Variants in CACNA2D3 observed in about 807,000 individuals in gnomAD.
CACNA2D3 encodes the protein calcium voltage-gated channel auxiliary subunit alpha2delta 3.
In CACNA2D3, 60 loss-of-function variants were observed where a neutral mutation model predicts 160.6. That is an observed-to-expected ratio of 0.37 (90% CI 0.30 to 0.46). CACNA2D3 has a LOEUF of 0.46. Ranked by LOEUF, CACNA2D3 falls within the 20% of genes least tolerant of loss-of-function variation. The pLI is 1.00. For missense variants in CACNA2D3, 1,205 were observed against 1,365.0 expected (o/e 0.88, Z 1.85); for synonymous variants, 558 against 492.9 (o/e 1.13, Z -1.75).
chr3:54,541,927 GGT>G (rs71096428), intron 5 of CACNA2D3, among the ~76,000 whole-genome samples: 21,543 of 150,552 alleles, frequency 0.14, 1,922 homozygotes, highest in Non-Finnish European at 0.2. Context: ...TTTAGGAAAG[GGT>G]GTGTGTGGGT....
chr3:54,839,175 G>A (rs905001582), intron 16 of CACNA2D3, among the ~76,000 whole-genome samples: 1 of 152,090 alleles, frequency 6.6e-6, no homozygotes, highest in East Asian at 1.9e-4. Context: ...GGAGAATGGC[G>A]TGAACCTAGG....
intron 2 of CACNA2D3, among the ~76,000 whole-genome samples, chr3:54,319,206 C>T (rs1703936530): frequency 7.6e-6 from 1 of 132,222 alleles, no homozygotes; most frequent in Admixed American, 7.6e-5. Flanking sequence ...ACACACCCTT[C>T]CTCGAGTCAA....
intron 2 of CACNA2D3, among the ~76,000 whole-genome samples, chr3:54,130,278 C>A (rs1699682508): frequency 6.6e-6 from 1 of 152,172 alleles, no homozygotes; most frequent in South Asian, 2.1e-4. Flanking sequence ...TTCCTTTGCC[C>A]ACCTTTGTTC....
intron 4 of CACNA2D3, among the ~76,000 whole-genome samples, chr3:54,389,804 G>T (rs1699249794): frequency 6.6e-6 from 1 of 152,180 alleles, no homozygotes; most frequent in South Asian, 2.1e-4. Flanking sequence ...CTAATTCAAA[G>T]AGATGAGGAC....
At chr3:54,918,838 TC>T (rs1483971824) in intron 27 of CACNA2D3, 1 of 1,585,850 alleles carries the variant, frequency 6.3e-7, no homozygotes, top group Admixed American at 1.7e-5. Context: ...CCTAAGGAGG[TC>T]CTTTCCCTTC....
At chr3:54,213,703 A>G (rs558827117) in intron 2 of CACNA2D3, among the ~76,000 whole-genome samples, 4 of 152,356 alleles carry the variant, frequency 2.6e-5, no homozygotes, top group Non-Finnish European at 4.4e-5. Context: ...GTAAAATAGC[A>G]TATTGTGCAG....
intron 11 of CACNA2D3, among the ~76,000 whole-genome samples, chr3:54,674,756 C>T (rs1294159027): frequency 6.6e-6 from 1 of 152,044 alleles, no homozygotes; most frequent in Non-Finnish European, 1.5e-5. Flanking sequence ...ATTTTGAGGT[C>T]CCAACATATG....
intron 10 of CACNA2D3, among the ~76,000 whole-genome samples, chr3:54,630,744 A>G (rs1040711140): frequency 6.6e-6 from 1 of 152,134 alleles, no homozygotes; most frequent in African/African-American, 2.4e-5. Flanking sequence ...TCACCAACAC[A>G]TGGTGGACTT....
intron 13 of CACNA2D3, among the ~76,000 whole-genome samples, chr3:54,788,708 T>C (rs988902850): frequency 6.6e-6 from 1 of 152,172 alleles, no homozygotes; most frequent in Non-Finnish European, 1.5e-5. Context: ...AATCACTTCC[T>C]TTTTCTGGGT....
chr3:55,074,055 A>G (rs1270331180), intron 37 of CACNA2D3, 59 bp from the exon 38 acceptor site: 1 of 1,404,954 alleles, frequency 7.1e-7, no homozygotes, highest in Non-Finnish European at 1.0e-6. Context: ...AGGTCTGGGG[A>G]AAGTTGAAGG....
chr3:54,323,567 C>T (rs1027274691), intron 3 of CACNA2D3, among the ~76,000 whole-genome samples: 22 of 151,620 alleles, frequency 1.5e-4, no homozygotes, highest in African/African-American at 4.1e-4. Flanking sequence ...CCCGGGTTCA[C>T]GCCTTTCTCC....
intron 2 of CACNA2D3, among the ~76,000 whole-genome samples, chr3:54,199,394 C>G (rs1701136166): frequency 6.6e-6 from 1 of 152,086 alleles, no homozygotes; most frequent in Non-Finnish European, 1.5e-5. Context: ...GAGACAGGGT[C>G]TTACCATCAC....
intron 2 of CACNA2D3, among the ~76,000 whole-genome samples, chr3:54,153,919 G>A (rs1700194995): frequency 6.6e-6 from 1 of 152,130 alleles, no homozygotes; most frequent in African/African-American, 2.4e-5. Context: ...GCAATATAAA[G>A]CCCTTCAGAG....
intron 24 of CACNA2D3, among the ~76,000 whole-genome samples, chr3:54,889,470 G>A (rs1700004513): frequency 6.6e-6 from 1 of 152,158 alleles, no homozygotes; most frequent in African/African-American, 2.4e-5. Context: ...ACTTGATGAT[G>A]GGTTTGTTGT....
At chr3:54,629,206 G>A (rs1446223627) in intron 10 of CACNA2D3, among the ~76,000 whole-genome samples, 1 of 151,982 alleles carries the variant, frequency 6.6e-6, no homozygotes, top group Non-Finnish European at 1.5e-5. Context: ...CCTTGCTGCT[G>A]TTGGTCTGCA....
chr3:54,756,001 G>A (rs1701962883), intron 12 of CACNA2D3, among the ~76,000 whole-genome samples: 1 of 152,106 alleles, frequency 6.6e-6, no homozygotes, highest in African/African-American at 2.4e-5. Context: ...TTTAGTCATT[G>A]TTTATAAGAA....
intron 11 of CACNA2D3, among the ~76,000 whole-genome samples, chr3:54,678,653 G>A (rs1700284602): frequency 7.1e-6 from 1 of 140,068 alleles, no homozygotes; most frequent in African/African-American, 2.5e-5. Flanking sequence ...GCCGGGAGGT[G>A]GAGGTTGTAA....
chr3:54,195,815 G>A (rs1186599067), intron 2 of CACNA2D3, among the ~76,000 whole-genome samples: 1 of 152,202 alleles, frequency 6.6e-6, no homozygotes, highest in African/African-American at 2.4e-5. Flanking sequence ...AGCCCTGCTT[G>A]TGGGGAATTG....
chr3:54,995,641 A>C (rs1197333926), intron 31 of CACNA2D3, among the ~76,000 whole-genome samples: 2 of 152,226 alleles, frequency 1.3e-5, no homozygotes, highest in Non-Finnish European at 2.9e-5. Flanking sequence ...TGCTTTAAAT[A>C]AGATTTTTAA....
Sources: allele counts gnomAD v4.1 joint callset (sites outside exome capture counted in the v4.1 genomes callset), GRCh38; gene constraint gnomAD v4.1.1; transcripts MANE v1.5; gene names NCBI Gene and HGNC (gene_info 2026-07-23, HGNC 2026-07-21).